BMP6: variants seen among roughly 807,000 people sequenced by gnomAD.
BMP6 encodes the protein VG-1-R.
Under a neutral mutation model 54.1 loss-of-function variants are expected in BMP6, and 17 were observed. The observed-to-expected ratio is 0.31, with a 90% CI of 0.22 to 0.47. The LOEUF (loss-of-function observed/expected upper bound fraction) is 0.47. Ranked by LOEUF, BMP6 falls within the 20% of genes least tolerant of loss-of-function variation. The pLI, the probability that BMP6 is intolerant of heterozygous loss-of-function variation, is 1.00. For missense variants in BMP6, 720 were observed against 690.4 expected, an observed-to-expected ratio of 1.04 and a Z score of -0.48; for synonymous variants, 328 against 291.2, an observed-to-expected ratio of 1.13 and a Z score of -1.28.
chr6:7,848,167 AG>A (rs1759093718), intron 2 of BMP6, among the ~76,000 whole-genome samples: 1 of 152,180 alleles, frequency 6.6e-6, no homozygotes, highest in South Asian at 2.1e-4. Context: ...ATTTGTAAAG[AG>A]GTCACAAGGT....
chr6:7,737,254 C>T (rs1761969315), intron 1 of BMP6, among the ~76,000 whole-genome samples: 1 of 151,730 alleles, frequency 6.6e-6, no homozygotes, highest in South Asian at 2.1e-4. Flanking sequence ...TGTCTCATAA[C>T]ATCTGACTTA....
intron 1 of BMP6, among the ~76,000 whole-genome samples, chr6:7,801,274 A>G: frequency 6.6e-6 from 1 of 152,208 alleles, no homozygotes; most frequent in East Asian, 1.9e-4. Flanking sequence ...CTTGAAGACC[A>G]GTCCTCTTGT....
intron 1 of BMP6, among the ~76,000 whole-genome samples, chr6:7,759,712 T>TTTTC: frequency 7.3e-6 from 1 of 136,090 alleles, no homozygotes; most frequent in Admixed American, 7.4e-5. Context: ...TTTTTTTTTT[T>TTTTC]TTTTTTTTGG....
chr6:7,835,242 C>G (rs1416603282), intron 1 of BMP6, among the ~76,000 whole-genome samples: 2 of 152,202 alleles, frequency 1.3e-5, no homozygotes, highest in Non-Finnish European at 2.9e-5. Context: ...CCTGCCTCAG[C>G]CTCCCGAGTA....
chr6:7,796,591 A>G (rs371711371), intron 1 of BMP6, among the ~76,000 whole-genome samples: 9 of 152,216 alleles, frequency 5.9e-5, no homozygotes, highest in African/African-American at 2.2e-4. Context: ...CTAATTAGAA[A>G]AAAACCATCC....
intron 1 of BMP6, among the ~76,000 whole-genome samples, chr6:7,780,265 A>T (rs75024452): frequency 0.077 from 11,680 of 152,104 alleles, 743 homozygotes; most frequent in East Asian, 0.36. Flanking sequence ...AAAGCAAGGG[A>T]GGCTGGGCAC....
At chr6:7,763,931 G>C (rs1757648891) in intron 1 of BMP6, among the ~76,000 whole-genome samples, 1 of 152,158 alleles carries the variant, frequency 6.6e-6, no homozygotes, top group Non-Finnish European at 1.5e-5. Context: ...AATGCCAAAA[G>C]AAAAACTCCG....
At chr6:7,857,351 T>G (rs1759257820) in intron 2 of BMP6, among the ~76,000 whole-genome samples, 1 of 152,236 alleles carries the variant, frequency 6.6e-6, no homozygotes. Context: ...GGAATAACAT[T>G]GAGAAGAGTA....
chr6:7,814,960 T>A (rs1341250196), intron 1 of BMP6, among the ~76,000 whole-genome samples: 1 of 152,208 alleles, frequency 6.6e-6, no homozygotes, highest in East Asian at 1.9e-4. Context: ...ATTCTGCACA[T>A]GTATCCCAGA....
chr6:7,845,058 C>A (rs1759039517), intron 1 of BMP6, 82 bp from the exon 2 acceptor site: 1 of 1,304,810 alleles, frequency 7.7e-7, no homozygotes, highest in Non-Finnish European at 1.1e-6. Flanking sequence ...CCTATGAAGT[C>A]AAACGGGGAA....
chr6:7,767,777 T>C (rs894133997), intron 1 of BMP6, among the ~76,000 whole-genome samples: 31 of 152,220 alleles, frequency 2.0e-4, no homozygotes, highest in Non-Finnish European at 4.3e-4. Flanking sequence ...GCTGTGTCTC[T>C]TGTGTTTTTT....
Position 7,813,660 on chromosome 6 carries a change from A to C in BMP6, c.665-31480A>C, listed in dbSNP as rs1177179897. On this transcript the variant is annotated intron_variant, in intron 1 of 6. Coordinates refer to ENST00000283147, the MANE Select transcript of BMP6 (RefSeq NM_001718.6). The stretch of plus-strand genomic sequence containing the variant: ...CCTGTCTCAAAAAAAAAAAAAAAAA[A>C]AAAAAAAAACCCACCAAACCCAGTA... Among the ~76,000 whole-genome samples the C allele has an allele frequency of 2.9e-4, 42 of 145,116 alleles. 8 individuals are homozygous for C. Among genetic ancestry groups the C allele is most frequent in the African/African-American group, 1.1e-3 (42 of 39,270 alleles).
At chr6:7,789,917 A>G (rs9392175) in intron 1 of BMP6, among the ~76,000 whole-genome samples, 54,513 of 151,490 alleles carry the variant, frequency 0.36, 10,014 homozygotes, top group East Asian at 0.55. Flanking sequence ...ATTTTTTTTT[A>G]AATAAAATCA....
At chr6:7,737,160 G>A (rs1386367508) in intron 1 of BMP6, among the ~76,000 whole-genome samples, 2 of 151,804 alleles carry the variant, frequency 1.3e-5, no homozygotes, top group African/African-American at 4.8e-5. Context: ...CACTCCAGCC[G>A]GAGTGACAAA....
intron 1 of BMP6, among the ~76,000 whole-genome samples, chr6:7,788,222 C>G (rs377442869): frequency 6.6e-6 from 1 of 152,090 alleles, no homozygotes; most frequent in South Asian, 2.1e-4. Flanking sequence ...TTTAAGTGTT[C>G]TTGGCCAAAG....
intron 5 of BMP6, 101 bp from the exon 6 acceptor site, chr6:7,879,890 T>C: frequency 3.3e-6 from 4 of 1,194,280 alleles, no homozygotes; most frequent in Non-Finnish European, 4.9e-6. Flanking sequence ...TATCCTTGCC[T>C]GTGCAATGTG....
At chr6:7,868,986 G>C (rs28590073) in intron 4 of BMP6, among the ~76,000 whole-genome samples, 5 of 151,782 alleles carry the variant, frequency 3.3e-5, no homozygotes, top group African/African-American at 1.2e-4. Context: ...CCTTTGTTTC[G>C]CTGTCCTCCT....
intron 1 of BMP6, among the ~76,000 whole-genome samples, chr6:7,810,077 A>C (rs1306156263): frequency 6.6e-6 from 1 of 152,202 alleles, no homozygotes; most frequent in African/African-American, 2.4e-5. Flanking sequence ...AGATTCCTAA[A>C]GTTGGATCTT....
chr6:7,799,123 T>G (rs146787734), intron 1 of BMP6, among the ~76,000 whole-genome samples: 1 of 152,234 alleles, frequency 6.6e-6, no homozygotes, highest in Non-Finnish European at 1.5e-5. Context: ...TCCAAGGTTT[T>G]GGATGGCAAA....
Sources: gnomAD v4.1 joint callset for allele counts (sites outside exome capture counted in the v4.1 genomes callset) on GRCh38, gnomAD v4.1.1 for gene constraint, MANE v1.5 for transcripts, NCBI Gene and HGNC (gene_info 2026-07-23, HGNC 2026-07-21) for gene names.